XIRP2: variants seen among roughly 807,000 people sequenced by gnomAD.
XIRP2 encodes xin actin binding repeat containing 2, also known as xin actin-binding repeat-containing protein 2.
Under a neutral mutation model 277.0 loss-of-function variants are expected in XIRP2, and 236 were observed. The observed-to-expected ratio is 0.85, with a 90% confidence interval of 0.77 to 0.95. The LOEUF (loss-of-function observed/expected upper bound fraction) is 0.95, where lower values mean the gene tolerates loss of function less well. Among genes scored for constraint, XIRP2 ranks in the 40% least tolerant of loss-of-function variants. The pLI is 0.00. For synonymous variants in XIRP2, 1,490 were observed against 1,416.5 expected (o/e 1.05, Z -1.17); for missense variants, 4,640 against 4,157.5 (o/e 1.12, Z -3.19).
intron 2 of XIRP2, among the ~76,000 whole-genome samples, chr2:167,093,582 C>T (rs895791050): frequency 5.9e-5 from 9 of 152,052 alleles, no homozygotes; most frequent in Admixed American, 5.2e-4. Flanking sequence ...GTTTTCTGTT[C>T]CTGTGTTAGT....
chr2:167,134,001 A>G (rs976857016), intron 2 of XIRP2, among the ~76,000 whole-genome samples: 1 of 152,074 alleles, frequency 6.6e-6, no homozygotes, highest in African/African-American at 2.4e-5. Context: ...TTCTCCTGCA[A>G]TTGTTTTTAG....
At chr2:167,178,296 T>A (rs1195788100) in intron 3 of XIRP2, among the ~76,000 whole-genome samples, 2 of 152,180 alleles carry the variant, frequency 1.3e-5, no homozygotes, top group African/African-American at 4.8e-5. Flanking sequence ...GTATGAAATG[T>A]TGACTCAACA....
intron 2 of XIRP2, among the ~76,000 whole-genome samples, chr2:167,111,339 G>GTATGATTC (rs1690749330): frequency 6.6e-6 from 1 of 152,070 alleles, no homozygotes; most frequent in Non-Finnish European, 1.5e-5. Flanking sequence ...TTATTTTGAA[G>GTATGATTC]TATGATTCTT....
rs140001073 is a variant in XIRP2, at chr2:166,916,661, A to G, written c.408+12771A>G. ...GAAAAAATGGCAAATAGTTTTTTAT[A>G]GAGCTGAAATGTACAGTTTGATAAA... On this transcript the variant is annotated intron_variant, in intron 2 of 10. Coordinates refer to ENST00000409195, the MANE Select transcript of XIRP2 (RefSeq NM_152381.6). 5.9e-3 allele frequency among the ~76,000 whole-genome samples: 892 copies of G among 152,314 alleles called. 3 individuals carry two copies. Among genetic ancestry groups the G allele is most frequent in the Middle Eastern group, 0.037 (11 of 294 alleles).
At chr2:167,071,847 C>T (rs1443860395) in intron 2 of XIRP2, among the ~76,000 whole-genome samples, 2 of 152,044 alleles carry the variant, frequency 1.3e-5, no homozygotes, top group East Asian at 1.9e-4. Context: ...AGAAGATGAA[C>T]CATTTGCCAT....
intron 2 of XIRP2, among the ~76,000 whole-genome samples, chr2:166,964,989 G>C (rs530275327): frequency 4.0e-5 from 6 of 151,888 alleles, no homozygotes; most frequent in Admixed American, 6.6e-5. Context: ...AAGAGACATG[G>C]TATGTCAGAG....
chr2:167,125,653 A>AAAAT (rs1691180311), intron 2 of XIRP2, among the ~76,000 whole-genome samples: 5 of 152,222 alleles, frequency 3.3e-5, no homozygotes, highest in Non-Finnish European at 7.3e-5. Flanking sequence ...TTTAAGGACT[A>AAAAT]CATTTCCTCA....
intron 2 of XIRP2, among the ~76,000 whole-genome samples, chr2:166,988,571 G>A (rs1442592316): frequency 7.2e-6 from 1 of 138,528 alleles, no homozygotes; most frequent in Non-Finnish European, 1.5e-5. Flanking sequence ...ATCTCACTAG[G>A]GAGTGCCAGA....
Position 167,249,867 on chromosome 2 carries a change from A to G in XIRP2, c.8475A>G (p.Pro2825=), listed in dbSNP as rs780437694. The G allele has an allele frequency of 2.5e-5, 41 of 1,613,516 alleles. No individual in the cohort carries two copies. The highest frequency in any genetic ancestry group is 5.3e-5 in the African/African-American group (4 of 74,862). The change falls in exon 9 of 11, where the codon CCA becomes CCG. Residue 2825 remains proline, a synonymous_variant. Transcript: ENST00000409195. The stretch of plus-strand genomic sequence containing the variant: ...GAAGTGAAGAAAAAAATCAGGGACC[A>G]TCAATGATTGGTCGAAAAGAAGAGA... The part of the protein sequence containing the change: ...LPGSEEKNQG[P]SMIGRKEERL...
chr2:166,958,365 T>A (rs146728370), intron 2 of XIRP2, among the ~76,000 whole-genome samples: 1 of 151,968 alleles, frequency 6.6e-6, no homozygotes, highest in African/African-American at 2.4e-5. Flanking sequence ...TTTATTTTTC[T>A]TTGCTTATAG....
rs545468927 is a variant in XIRP2 at position 167,225,929 on chromosome 2, T to G, written c.858+7629T>G. ...TTAACTTTTTAATGCTGAAGCGGAA[T>G]TGGAAGACCAAGAGTTTGCTAAATA... On this transcript the variant is annotated intron_variant, in intron 5 of 10. Coordinates refer to ENST00000409195, the MANE Select transcript of XIRP2 (RefSeq NM_152381.6). Among the ~76,000 whole-genome samples the G allele has an allele frequency of 2.0e-5, 3 of 152,322 alleles. No homozygotes were observed. The South Asian group carries it at 6.2e-4, about 32-fold the overall frequency.
chr2:166,910,241 C>T (rs546619994), intron 2 of XIRP2, among the ~76,000 whole-genome samples: 6 of 152,198 alleles, frequency 3.9e-5, no homozygotes, highest in African/African-American at 1.4e-4. Flanking sequence ...CAGTCTGGTC[C>T]TGGACTTTTT....
intron 3 of XIRP2, among the ~76,000 whole-genome samples, chr2:167,201,188 G>GAGAAAGAAAGAA (rs58329001): frequency 7.5e-5 from 6 of 79,578 alleles, no homozygotes; most frequent in South Asian, 5.7e-4. Context: ...AAGAGAGAGA[G>GAGAAAGAAAGAA]AGAAAGAAAG....
At chr2:167,084,131 T>C (rs1033368021) in intron 2 of XIRP2, among the ~76,000 whole-genome samples, 1 of 152,206 alleles carries the variant, frequency 6.6e-6, no homozygotes, top group Non-Finnish European at 1.5e-5. Flanking sequence ...ACCTAATTTA[T>C]TGAGAGTTTT....
chr2:167,189,312 T>C (rs1693255330), intron 3 of XIRP2, among the ~76,000 whole-genome samples: 1 of 152,220 alleles, frequency 6.6e-6, no homozygotes, highest in Non-Finnish European at 1.5e-5. Flanking sequence ...AAAGAGACCA[T>C]TTTTGTAAGA....
At chr2:166,961,979 T>C (rs960163523) in intron 2 of XIRP2, among the ~76,000 whole-genome samples, 9 of 151,608 alleles carry the variant, frequency 5.9e-5, no homozygotes, top group Non-Finnish European at 1.3e-4. Flanking sequence ...ATAGAAGAAT[T>C]GTGTTATGTA....
intron 2 of XIRP2, among the ~76,000 whole-genome samples, chr2:166,950,964 T>A (rs567268452): frequency 6.6e-6 from 1 of 152,132 alleles, no homozygotes; most frequent in Admixed American, 6.6e-5. Flanking sequence ...CGAGGGATGC[T>A]AAGGAAGAGG....
At position 167,243,333 on chromosome 2, in the gene XIRP2, C is replaced by T; in HGVS notation, c.1941C>T (p.Ala647=). The part of the protein sequence containing the change: ...VENAEKIPEL[A]RGDVCTARWM... ...ATGCAGAGAAAATTCCTGAGCTAGC[C>T]AGAGGAGATGTCTGCACAGCTCGGT... The change falls in exon 9 of 11, where the codon GCC becomes GCT. Residue 647 remains alanine, a synonymous_variant. Coordinates refer to ENST00000409195, the MANE Select transcript of XIRP2 (RefSeq NM_152381.6). 6.2e-7 allele frequency: 1 copy of T among 1,613,988 alleles called. No individual in the cohort carries two copies. Among genetic ancestry groups the T allele is most frequent in the Non-Finnish European group, 8.5e-7 (1 of 1,179,972 alleles).
At chr2:167,178,159 C>T (rs1024256860) in intron 3 of XIRP2, among the ~76,000 whole-genome samples, 4 of 151,758 alleles carry the variant, frequency 2.6e-5, no homozygotes, top group Non-Finnish European at 4.4e-5. Flanking sequence ...AATATGAACA[C>T]ATATATGTGC....
Sources: allele counts gnomAD v4.1 joint callset (sites outside exome capture counted in the v4.1 genomes callset), GRCh38; gene constraint gnomAD v4.1.1; transcripts MANE v1.5; gene names NCBI Gene and HGNC (gene_info 2026-07-23, HGNC 2026-07-21).